Variants in MARCHF1 observed in about 807,000 individuals in gnomAD.
MARCHF1 encodes membrane associated ring-CH-type finger 1, also known as E3 ubiquitin-protein ligase MARCHF1.
Under a neutral mutation model 54.2 loss-of-function variants are expected in MARCHF1, and 40 were observed. The observed-to-expected ratio is 0.74, with a 90% CI of 0.57 to 0.96. The LOEUF (loss-of-function observed/expected upper bound fraction) is 0.96. Among genes scored for constraint, MARCHF1 ranks in the 40% least tolerant of loss-of-function variants. The pLI, the probability that MARCHF1 is intolerant of heterozygous loss-of-function variation, is 0.00. For synonymous variants in MARCHF1, 236 were observed against 236.3 expected, an observed-to-expected ratio of 1.00 and a Z score of 0.01; for missense variants, 586 against 656.5, an observed-to-expected ratio of 0.89 and a Z score of 1.17.
At chr4:163,768,203 C>A (rs1579270995) in intron 4 of MARCHF1, among the ~76,000 whole-genome samples, 1 of 152,134 alleles carries the variant, frequency 6.6e-6, no homozygotes, top group South Asian at 2.1e-4. Context: ...GATAATTCTG[C>A]CTTGAAGCAT....
intron 1 of MARCHF1, among the ~76,000 whole-genome samples, chr4:164,144,560 C>A (rs1729614178): frequency 6.6e-6 from 1 of 151,750 alleles, no homozygotes; most frequent in African/African-American, 2.4e-5. Context: ...ACAACCTGCT[C>A]CTGAATGACT....
chr4:164,029,126 G>A (rs1410373870), intron 2 of MARCHF1, among the ~76,000 whole-genome samples: 3 of 152,100 alleles, frequency 2.0e-5, no homozygotes, highest in Non-Finnish European at 4.4e-5. Context: ...GATTTTATAT[G>A]AGTCAGTTCA....
intron 4 of MARCHF1, among the ~76,000 whole-genome samples, chr4:163,757,099 C>T (rs1746699568): frequency 6.6e-6 from 1 of 152,144 alleles, no homozygotes; most frequent in Admixed American, 6.5e-5. Context: ...TTTCCTACAT[C>T]AAAATCTTTG....
intron 1 of MARCHF1, among the ~76,000 whole-genome samples, chr4:164,115,201 A>AT (rs1350842860): frequency 9.2e-5 from 14 of 152,064 alleles, no homozygotes; most frequent in Non-Finnish European, 2.1e-4. Flanking sequence ...TTCTTCAGGG[A>AT]TAAAAAACAT....
intron 9 of MARCHF1, among the ~76,000 whole-genome samples, chr4:163,535,523 C>T (rs895136293): frequency 2.0e-5 from 3 of 151,924 alleles, no homozygotes; most frequent in African/African-American, 7.3e-5. Flanking sequence ...AAAAAATACT[C>T]CAAGGCAAAG....
At position 163,802,837 on chromosome 4, in the gene MARCHF1, T is replaced by C. The variant is rs182429907; in HGVS notation, c.111+51184A>G. Among the ~76,000 whole-genome samples, 4 of 152,326 alleles carry C rather than the reference T, an allele frequency of 2.6e-5. No homozygotes were observed. In the East Asian group the frequency reaches 7.7e-4, roughly 29 times the overall value. The stretch of plus-strand genomic sequence containing the variant: ...AGATCAGTCAAGGTATCTAGGTGCT[T>C]TGTTCTAATCACAGTGAATGTTATG... On this transcript the variant is annotated intron_variant, in intron 4 of 9. Transcript: ENST00000514618.
At chr4:164,197,240 C>T in intron 1 of MARCHF1, 1 of 1,610,794 alleles carries the variant, frequency 6.2e-7, no homozygotes, top group African/African-American at 1.3e-5. Context: ...TCCACGTGGT[C>T]CTCAATATCT....
chr4:163,654,667 C>T (rs987741913), intron 5 of MARCHF1, among the ~76,000 whole-genome samples: 2 of 151,620 alleles, frequency 1.3e-5, no homozygotes, highest in Non-Finnish European at 3.0e-5. Context: ...TATATCAACT[C>T]CAACTTTCTT....
rs1466962897 is a variant in MARCHF1 at position 164,352,205 on chromosome 4, G to C, written c.-323+31665C>G. ...ACACTCTGCAGGATATTATCCAGGAGAACTTCCCCAATCTAGCAAGGCAGG... is the reference window on the plus strand; with the variant it reads ...ACACTCTGCAGGATATTATCCAGGACAACTTCCCCAATCTAGCAAGGCAGG... On this transcript the variant is annotated intron_variant, in intron 1 of 9. Coordinates refer to ENST00000514618, the MANE Select transcript of MARCHF1 (RefSeq NM_001394959.1). Among the ~76,000 whole-genome samples the C allele has an allele frequency of 3.3e-5, 4 of 120,936 alleles. No individual in the cohort carries two copies. In the East Asian group the frequency reaches 9.4e-4, roughly 28 times the overall value. The allele number at this position is 120,936 out of a possible 152,430, so 79.3% of individuals were successfully genotyped here. A position where few individuals can be genotyped will look rare whatever the true frequency, so the allele number is the denominator to read the frequency against.
intron 2 of MARCHF1, among the ~76,000 whole-genome samples, chr4:164,076,739 A>G (rs974568449): frequency 9.2e-5 from 14 of 152,158 alleles, no homozygotes; most frequent in Non-Finnish European, 1.8e-4. Context: ...CTATACACCA[A>G]TAAGAGACAG....
chr4:164,011,904 T>G (rs1753428894), intron 2 of MARCHF1, among the ~76,000 whole-genome samples: 1 of 151,766 alleles, frequency 6.6e-6, no homozygotes, highest in Admixed American at 6.6e-5. Context: ...ATGTGTTTTG[T>G]GGGGAGGGAG....
intron 3 of MARCHF1, among the ~76,000 whole-genome samples, chr4:163,960,164 G>A (rs975403249): frequency 7.1e-4 from 108 of 152,082 alleles, no homozygotes; most frequent in African/African-American, 2.5e-3. Context: ...GACAGATGCT[G>A]GTGAGATTGT....
In MARCHF1 at chr4:163,962,082, C is replaced by T. The variant is rs565205866; in HGVS notation, c.-39+26419G>A. Among the ~76,000 whole-genome samples the T allele has an allele frequency of 6.6e-5, 10 of 152,014 alleles. No homozygotes were observed. In the South Asian group the frequency reaches 2.1e-3, roughly 32 times the overall value. On this transcript the variant is annotated intron_variant, in intron 3 of 9. Transcript: ENST00000514618. Reference sequence around the variant, plus strand: ...AAATAGAACATTTTAACAGTTAACACTAAATGAAAATTGCTGTTATTTCTG... The same window carrying T: ...AAATAGAACATTTTAACAGTTAACATTAAATGAAAATTGCTGTTATTTCTG...
chr4:164,071,741 CT>C (rs1219191625), intron 2 of MARCHF1, among the ~76,000 whole-genome samples: 4 of 152,120 alleles, frequency 2.6e-5, no homozygotes, highest in African/African-American at 9.7e-5. Context: ...TAGTGGTAAA[CT>C]TTGCTTTTAA....
At chr4:164,342,907 A>G (rs1487435784) in intron 1 of MARCHF1, among the ~76,000 whole-genome samples, 1 of 152,170 alleles carries the variant, frequency 6.6e-6, no homozygotes, top group East Asian at 1.9e-4. Context: ...CAAATGATGC[A>G]TGATCTTACT....
chr4:164,194,005 A>G (rs2111057966), intron 1 of MARCHF1, among the ~76,000 whole-genome samples: 1 of 147,180 alleles, frequency 6.8e-6, no homozygotes, highest in South Asian at 2.2e-4. Context: ...ACTATGGTTC[A>G]AGATTAGGAA....
chr4:164,009,051 G>T (rs1753359430), intron 2 of MARCHF1, among the ~76,000 whole-genome samples: 1 of 151,854 alleles, frequency 6.6e-6, no homozygotes. Flanking sequence ...TTAAAAAATT[G>T]GTGAGCCTTC....
intron 1 of MARCHF1, among the ~76,000 whole-genome samples, chr4:164,229,014 G>A (rs536971174): frequency 8.5e-5 from 13 of 152,290 alleles, no homozygotes; most frequent in African/African-American, 2.6e-4. Flanking sequence ...CTGTATTAGC[G>A]AAAATTGGAT....
At chr4:164,169,966 G>A (rs1045685626) in intron 1 of MARCHF1, among the ~76,000 whole-genome samples, 2 of 152,010 alleles carry the variant, frequency 1.3e-5, no homozygotes, top group African/African-American at 4.8e-5. Context: ...AGTAACTCAT[G>A]CCATTTTCTG....
Sources: allele counts gnomAD v4.1 joint callset (sites outside exome capture counted in the v4.1 genomes callset), GRCh38; gene constraint gnomAD v4.1.1; transcripts MANE v1.5; gene names NCBI Gene and HGNC (gene_info 2026-07-23, HGNC 2026-07-21).